ERC1: variants seen among roughly 807,000 people sequenced by gnomAD.
ERC1 encodes ELKS/RAB6-interacting/CAST family member 1.
A neutral mutation model predicts 132.0 loss-of-function variants in ERC1; 56 were observed. The ratio of observed to expected loss-of-function variants is 0.42; its 90% CI spans 0.34 to 0.53. The LOEUF is 0.53. ERC1 is among the 20% of genes least tolerant of loss of function. The pLI, the probability that ERC1 is intolerant of heterozygous loss-of-function variation, is 0.03. For missense variants in ERC1, 1,202 were observed against 1,349.9 expected, an observed-to-expected ratio of 0.89 and a Z score of 1.72; for synonymous variants, 478 against 476.1, an observed-to-expected ratio of 1.00 and a Z score of -0.05.
At chr12:1,056,836 C>T (rs1412170026) in intron 2 of ERC1, among the ~76,000 whole-genome samples, 3 of 152,156 alleles carry the variant, frequency 2.0e-5, no homozygotes, top group Non-Finnish European at 4.4e-5. Context: ...ATTTTTCAGG[C>T]TGCTCTTTGT....
intron 18 of ERC1, among the ~76,000 whole-genome samples, chr12:1,477,294 C>A (rs1228510367): frequency 6.6e-6 from 1 of 152,174 alleles, no homozygotes; most frequent in East Asian, 1.9e-4. Flanking sequence ...TAGAATAATA[C>A]TTGGCCCATA....
intron 1 of ERC1, among the ~76,000 whole-genome samples, chr12:1,009,691 A>G (rs977012398): frequency 5.9e-5 from 9 of 152,180 alleles, no homozygotes; most frequent in Non-Finnish European, 1.5e-5. Flanking sequence ...TTTAGAAAAA[A>G]AGAAACATAA....
intron 18 of ERC1, among the ~76,000 whole-genome samples, chr12:1,461,639 C>T (rs1331877591): frequency 3.9e-5 from 6 of 151,992 alleles, no homozygotes; most frequent in Admixed American, 1.3e-4. Flanking sequence ...TGCACTCCAG[C>T]CTGGGAGACA....
chr12:1,164,727 A>G (rs938205709), intron 8 of ERC1, among the ~76,000 whole-genome samples: 4 of 152,190 alleles, frequency 2.6e-5, no homozygotes, highest in African/African-American at 9.7e-5. Flanking sequence ...TTCATGGCAG[A>G]AGAGTATGTG....
intron 18 of ERC1, among the ~76,000 whole-genome samples, chr12:1,453,978 G>C (rs1401442574): frequency 6.6e-6 from 1 of 152,000 alleles, no homozygotes; most frequent in Non-Finnish European, 1.5e-5. Context: ...ACTGGTGGCT[G>C]GGAGCTCTGG....
At chr12:1,227,404 T>G (rs1434146490) in intron 12 of ERC1, among the ~76,000 whole-genome samples, 1 of 152,234 alleles carries the variant, frequency 6.6e-6, no homozygotes, top group Non-Finnish European at 1.5e-5. Flanking sequence ...CATTTAGCTA[T>G]CCTTTGGCCT....
At chr12:1,281,570 C>T (rs2078679640) in intron 14 of ERC1, among the ~76,000 whole-genome samples, 1 of 152,174 alleles carries the variant, frequency 6.6e-6, no homozygotes, top group South Asian at 2.1e-4. Flanking sequence ...TAGATTATTT[C>T]TGTCCTCCCT....
chr12:1,406,799 G>A lies in ERC1; in HGVS notation c.2926-1350G>A, dbSNP rs185373290. ...GAGTTGGGAGGATCACTTGAGCCCA[G>A]GAGTCTGAGGTTGCAGTGAGCAGTG... On this transcript the variant is annotated intron_variant, in intron 16 of 18. Transcript: ENST00000360905. Among the ~76,000 whole-genome samples the A allele has an allele frequency of 7.2e-5, 11 of 152,290 alleles. No homozygotes were observed. In the East Asian group the frequency reaches 2.1e-3, roughly 29 times the overall value.
At chr12:1,361,918 TATTC>T (rs1454250762) in intron 15 of ERC1, among the ~76,000 whole-genome samples, 1 of 152,206 alleles carries the variant, frequency 6.6e-6, no homozygotes, top group African/African-American at 2.4e-5. Flanking sequence ...TTATTTAAAA[TATTC>T]ATTGGAAAAG....
At position 1,492,706 on chromosome 12, in the gene ERC1, C is replaced by T. The variant is rs1200099408; in HGVS notation, c.*2476C>T. The T allele has an allele frequency of 3.5e-4, 82 of 232,674 alleles. 2 individuals carry two copies. In the Admixed American group the frequency reaches 4.6e-3, roughly 13 times the overall value. 14.4% of individuals were successfully genotyped at this position (232,674 alleles called of 1,614,324 possible). A position where few individuals can be genotyped will look rare whatever the true frequency, so the allele number is the denominator to read the frequency against. Reference sequence around the variant, plus strand: ...TGTGAACAGCAAGGAATCTTCTTGACCGTTCTTGGGCACTGGAGGCTGGCT... The same window carrying T: ...TGTGAACAGCAAGGAATCTTCTTGATCGTTCTTGGGCACTGGAGGCTGGCT... On this transcript the variant is annotated 3_prime_UTR_variant, in exon 19 of 19. Coordinates refer to ENST00000360905, the MANE Select transcript of ERC1 (RefSeq NM_178040.4).
chr12:1,425,241 A>C (rs1364477398), intron 17 of ERC1, among the ~76,000 whole-genome samples: 2 of 152,184 alleles, frequency 1.3e-5, no homozygotes, highest in Non-Finnish European at 2.9e-5. Context: ...CTTATGCTGG[A>C]TTGTGCTTGG....
intron 18 of ERC1, among the ~76,000 whole-genome samples, chr12:1,483,885 G>A (rs2094143831): frequency 6.6e-6 from 1 of 151,384 alleles, no homozygotes; most frequent in Admixed American, 6.6e-5. Flanking sequence ...GTAGAGACGG[G>A]GTTTCACCAT....
intron 13 of ERC1, among the ~76,000 whole-genome samples, chr12:1,257,503 GT>G (rs1454450093): frequency 6.6e-6 from 1 of 152,148 alleles, no homozygotes; most frequent in African/African-American, 2.4e-5. Flanking sequence ...TAAATCCACA[GT>G]TTGGTTTTCT....
intron 16 of ERC1, among the ~76,000 whole-genome samples, chr12:1,403,660 C>T (rs2091254995): frequency 6.6e-6 from 1 of 152,084 alleles, no homozygotes; most frequent in South Asian, 2.1e-4. Flanking sequence ...CTTATCTGTC[C>T]ACTTGGATCA....
At chr12:1,243,018 T>C (rs1566360211) in intron 13 of ERC1, among the ~76,000 whole-genome samples, 1 of 150,812 alleles carries the variant, frequency 6.6e-6, no homozygotes, top group Non-Finnish European at 1.5e-5. Flanking sequence ...AAACCCCGTC[T>C]CTACTAAAAA....
At chr12:1,093,800 T>C (rs1011188586) in intron 3 of ERC1, among the ~76,000 whole-genome samples, 2 of 150,846 alleles carry the variant, frequency 1.3e-5, no homozygotes, top group African/African-American at 4.9e-5. Flanking sequence ...GGACTGCTTG[T>C]CAGTTTGTCA....
At chr12:1,443,892 AC>A (rs1377473772) in intron 17 of ERC1, 8 of 152,264 alleles carry the variant, frequency 5.3e-5, no homozygotes, top group Admixed American at 5.2e-4. Flanking sequence ...CAATGTTACA[AC>A]TAAGAATTTC....
At chr12:1,037,525 GTGCTTAGAAACCA>G (rs2154156264) in intron 2 of ERC1, among the ~76,000 whole-genome samples, 1 of 152,270 alleles carries the variant, frequency 6.6e-6, no homozygotes, top group East Asian at 1.9e-4. Flanking sequence ...AGTATAGGAG[GTGCTTAGAAACCA>G]TACTTTATAA....
At chr12:1,187,667 C>T (rs780562625) in intron 11 of ERC1, among the ~76,000 whole-genome samples, 11 of 152,124 alleles carry the variant, frequency 7.2e-5, no homozygotes, top group Non-Finnish European at 1.0e-4. Context: ...TCTTTTCCTA[C>T]CGTTTAGGCC....
Sources: gnomAD v4.1 joint callset for allele counts (sites outside exome capture counted in the v4.1 genomes callset) on GRCh38, gnomAD v4.1.1 for gene constraint, MANE v1.5 for transcripts, NCBI Gene and HGNC (gene_info 2026-07-23, HGNC 2026-07-21) for gene names.